Variants in PARP8 observed in about 807,000 individuals in gnomAD.
The protein encoded by PARP8 is protein mono-ADP-ribosyltransferase PARP8.
A neutral mutation model predicts 124.1 loss-of-function variants in PARP8; 51 were observed. The ratio of observed to expected loss-of-function variants is 0.41; its 90% CI spans 0.33 to 0.52. PARP8 has a LOEUF of 0.52. PARP8 is among the 20% of genes least tolerant of loss of function. The pLI is 0.21. For synonymous variants in PARP8, 391 were observed against 361.5 expected (o/e 1.08, Z -0.93); for missense variants, 860 against 1,018.9 (o/e 0.84, Z 2.12).
chr5:50,782,008 C>T (rs1244331473), intron 9 of PARP8, among the ~76,000 whole-genome samples: 2 of 152,200 alleles, frequency 1.3e-5, no homozygotes, highest in African/African-American at 2.4e-5. Context: ...GAGAACTTGA[C>T]CTAAAGATGG....
intron 14 of PARP8, among the ~76,000 whole-genome samples, chr5:50,804,275 T>A (rs1056108700): frequency 2.6e-5 from 4 of 152,154 alleles, no homozygotes; most frequent in Non-Finnish European, 4.4e-5. Context: ...CAGGCAGAAA[T>A]AAAGACAAGT....
chr5:50,845,310 T>G lies in PARP8; in HGVS notation c.*3242T>G, dbSNP rs979590470. On this transcript the variant is annotated 3_prime_UTR_variant, in exon 26 of 26. Coordinates refer to ENST00000281631, the MANE Select transcript of PARP8 (RefSeq NM_024615.4). The stretch of plus-strand genomic sequence containing the variant: ...GTTTTGACGAAAAACTCATCTTCAT[T>G]AAAGAGTCTGGATAACTTCATCAGA... 2.6e-5 allele frequency: 4 copies of G among 151,684 alleles called. No homozygotes were observed. The highest frequency in any genetic ancestry group is 9.7e-5 in the African/African-American group (4 of 41,366). The allele number at this position is 151,684 out of a possible 1,614,324, so 9.4% of individuals were successfully genotyped here. A position where few individuals can be genotyped will look rare whatever the true frequency, so the allele number is the denominator to read the frequency against.
intron 9 of PARP8, among the ~76,000 whole-genome samples, chr5:50,787,513 C>T (rs1186982782): frequency 1.3e-5 from 2 of 152,108 alleles, no homozygotes; most frequent in African/African-American, 4.8e-5. Flanking sequence ...ATATTTTTCC[C>T]CATCTTTATT....
At chr5:50,841,115 C>T (rs1748132688) in intron 25 of PARP8, among the ~76,000 whole-genome samples, 1 of 151,784 alleles carries the variant, frequency 6.6e-6, no homozygotes, top group South Asian at 2.1e-4. Context: ...AGATGCTGTG[C>T]TTATATCCCT....
chr5:50,710,837 T>G (rs1187066004), intron 2 of PARP8, among the ~76,000 whole-genome samples: 1 of 152,130 alleles, frequency 6.6e-6, no homozygotes, highest in African/African-American at 2.4e-5. Context: ...ATTGAAAATT[T>G]TTATATCTAA....
chr5:50,753,180 G>C (rs1759451180), intron 3 of PARP8, among the ~76,000 whole-genome samples: 1 of 151,768 alleles, frequency 6.6e-6, no homozygotes, highest in Non-Finnish European at 1.5e-5. Context: ...TATATTACAA[G>C]TCACAGGTTG....
chr5:50,671,103 C>T (rs1196185318), intron 2 of PARP8, among the ~76,000 whole-genome samples: 2 of 152,212 alleles, frequency 1.3e-5, no homozygotes, highest in African/African-American at 4.8e-5. Context: ...AAAGCAGAGG[C>T]TTCAATTGTA....
intron 9 of PARP8, among the ~76,000 whole-genome samples, chr5:50,784,296 C>T (rs1229600006): frequency 6.6e-6 from 1 of 151,992 alleles, no homozygotes; most frequent in Non-Finnish European, 1.5e-5. Flanking sequence ...AGACATATAC[C>T]TCCTTATCCA....
chr5:50,830,701 A>G (rs748894136), intron 22 of PARP8, among the ~76,000 whole-genome samples: 5 of 152,226 alleles, frequency 3.3e-5, no homozygotes, highest in Non-Finnish European at 5.9e-5. Flanking sequence ...GAAGTAGCAG[A>G]TGAAAATTTT....
rs149415296 is a variant in PARP8, at chr5:50,795,081, C to T, written c.1092C>T (p.Asn364=). 4 of 1,614,040 alleles carry T rather than the reference C, an allele frequency of 2.5e-6. No homozygotes were observed. The highest frequency in any genetic ancestry group is 1.1e-5 in the South Asian group (1 of 91,088). Residue 364 remains asparagine, a synonymous_variant, in exon 12 of 26, where the codon AAC becomes AAT. Transcript: ENST00000281631. ...CAATTAAATCGCACAAACTTTTGAA[C>T]CGTCCTTGCCCTGCAGCTGTTAAGT... is the stretch of plus-strand genomic sequence containing the variant. ...MTAIKSHKLL[N]RPCPAAVKSE... is the part of the protein sequence containing the mutation.
chr5:50,821,114 T>C lies in PARP8; in HGVS notation c.1669-99T>C. ...TTTGAGAGATTGGTAGCAGTCCTGA[T>C]CTTCCTCATTAACTTATGCTACCTT... On this transcript the variant is annotated intron_variant, in intron 15 of 25. Transcript: ENST00000281631. 5.0e-6 allele frequency: 7 copies of C among 1,398,796 alleles called. No homozygotes were observed. The South Asian group carries it at 8.8e-5, about 18-fold the overall frequency. 86.6% of individuals were successfully genotyped at this position (1,398,796 alleles called of 1,614,324 possible).
intron 11 of PARP8, 121 bp downstream of exon 11, chr5:50,794,453 A>C (rs1742298853): frequency 8.5e-7 from 1 of 1,169,690 alleles, no homozygotes; most frequent in South Asian, 1.9e-5. Context: ...CCTCTAAGAA[A>C]AGACTGAGTT....
chr5:50,748,772 T>C (rs1346001019), intron 2 of PARP8, among the ~76,000 whole-genome samples: 1 of 152,218 alleles, frequency 6.6e-6, no homozygotes, highest in Non-Finnish European at 1.5e-5. Context: ...TCCTTACATT[T>C]GGTTTTCAGC....
chr5:50,726,713 C>A (rs1248832368), intron 2 of PARP8, among the ~76,000 whole-genome samples: 1 of 152,084 alleles, frequency 6.6e-6, no homozygotes, highest in Non-Finnish European at 1.5e-5. Context: ...AGGGCAAAAC[C>A]ACTGGGAATT....
chr5:50,744,638 A>G, intron 2 of PARP8: 1 of 675,148 alleles, frequency 1.5e-6, no homozygotes. Context: ...CCAAACACAT[A>G]TTTGACTGAC....
At chr5:50,712,876 C>A in intron 2 of PARP8, among the ~76,000 whole-genome samples, 1 of 150,006 alleles carries the variant, frequency 6.7e-6, no homozygotes. Context: ...TAACATTAGG[C>A]TTGATTTTAT....
chr5:50,788,224 C>T lies in PARP8; in HGVS notation c.671-299C>T, dbSNP rs1258198339. Among the ~76,000 whole-genome samples, 4 of 142,208 alleles carry T rather than the reference C, an allele frequency of 2.8e-5. 1 individual carries two copies. In the East Asian group the frequency reaches 8.2e-4, roughly 29 times the overall value. The allele number at this position is 142,208 out of a possible 152,430, so 93.3% of individuals were successfully genotyped here. A position where few individuals can be genotyped will look rare whatever the true frequency, so the allele number is the denominator to read the frequency against. On this transcript the variant is annotated intron_variant, in intron 9 of 25. Coordinates refer to ENST00000281631, the MANE Select transcript of PARP8 (RefSeq NM_024615.4). ...ATAATATATATTATTATACATTATA[C>T]TGTATATTATTATACAGTATAATGT...
At position 50,748,974 on chromosome 5, in the gene PARP8, C is replaced by T. The variant is rs139880963; in HGVS notation, c.147-1177C>T. Among the ~76,000 whole-genome samples the T allele has an allele frequency of 2.9e-3, 442 of 152,250 alleles. 5 individuals carry two copies. The highest frequency in any genetic ancestry group is 0.01 in the Middle Eastern group (3 of 294). On this transcript the variant is annotated intron_variant, in intron 2 of 25. Transcript: ENST00000281631. Reference sequence around the variant, plus strand: ...TAATATACAAATGTTTGCTCTTTTGCTAGTGCCCCATAAGTCACTGATAGT... The same window carrying T: ...TAATATACAAATGTTTGCTCTTTTGTTAGTGCCCCATAAGTCACTGATAGT...
In PARP8 at chr5:50,842,125, T is replaced by G. The variant is rs1748246992; in HGVS notation, c.*57T>G. ...GCCTTCCTCGGGTTCAAAGCTGGATTTTGAACTGAAGAAGATTATAAAATT... is the reference window on the plus strand; with the variant it reads ...GCCTTCCTCGGGTTCAAAGCTGGATGTTGAACTGAAGAAGATTATAAAATT... On this transcript the variant is annotated 3_prime_UTR_variant, in exon 26 of 26. Coordinates refer to ENST00000281631, the MANE Select transcript of PARP8 (RefSeq NM_024615.4). 1 of 1,185,492 alleles carries G rather than the reference T, an allele frequency of 8.4e-7. No homozygotes were observed. Among genetic ancestry groups the G allele is most frequent in the Non-Finnish European group, 1.2e-6 (1 of 815,172 alleles). 73.4% of individuals were successfully genotyped at this position (1,185,492 alleles called of 1,614,324 possible). A position where few individuals can be genotyped will look rare whatever the true frequency, so the allele number is the denominator to read the frequency against.
Sources: gnomAD v4.1 joint callset for allele counts (sites outside exome capture counted in the v4.1 genomes callset) on GRCh38, gnomAD v4.1.1 for gene constraint, MANE v1.5 for transcripts, NCBI Gene and HGNC (gene_info 2026-07-23, HGNC 2026-07-21) for gene names.